The following RABEP2 variants were observed in gnomAD, a reference collection of about 807,000 sequenced individuals.
RABEP2 encodes rab GTPase-binding effector protein 2.
In RABEP2, 57 loss-of-function variants were observed where a neutral mutation model predicts 74.1. The ratio of observed to expected loss-of-function variants is 0.77; its 90% CI spans 0.62 to 0.96. The LOEUF (loss-of-function observed/expected upper bound fraction) is 0.96. RABEP2 is among the 40% of genes least tolerant of loss of function. The pLI is 0.00. For missense variants in RABEP2, 692 were observed against 756.3 expected, an observed-to-expected ratio of 0.91 and a Z score of 1.00; for synonymous variants, 351 against 344.0, an observed-to-expected ratio of 1.02 and a Z score of -0.23.
intron 3 of RABEP2, among the ~76,000 whole-genome samples, chr16:28,916,692 A>T (rs1964398969): frequency 6.7e-6 from 1 of 150,112 alleles, no homozygotes; most frequent in South Asian, 2.1e-4. Flanking sequence ...AAAAAAAAAA[A>T]AAAAAATTTC....
chr16:28,904,932 A>C lies in RABEP2; in HGVS notation c.*11T>G, dbSNP rs1355870295. On this transcript the variant is annotated 3_prime_UTR_variant, in exon 13 of 13. Transcript: ENST00000358201. Reference sequence around the variant, plus strand: ...TCTTTCCCAGGGTGGGGGTGGGGATATCCTGACCCCTCAGGTGTCCTTGAT... The same window carrying C: ...TCTTTCCCAGGGTGGGGGTGGGGATCTCCTGACCCCTCAGGTGTCCTTGAT... 1.2e-6 allele frequency: 2 copies of C among 1,601,302 alleles called. No individual in the cohort carries two copies. Among genetic ancestry groups the C allele is most frequent in the Middle Eastern group, 3.3e-4 (2 of 6,032 alleles).
In RABEP2 at chr16:28,925,220, C is replaced by G; in HGVS notation, c.-57G>C. 2.7e-6 allele frequency: 4 copies of G among 1,496,876 alleles called. No homozygotes were observed. Among genetic ancestry groups the G allele is most frequent in the Non-Finnish European group, 3.5e-6 (4 of 1,128,880 alleles). The allele number at this position is 1,496,876 out of a possible 1,614,324, so 92.7% of individuals were successfully genotyped here. ...CCCTGGTGACGGAGCGCACCGCTTC[C>G]GGGTCCTCTCGGCTGTTTCCGGATC... On this transcript the variant is annotated 5_prime_UTR_variant, in exon 1 of 13. Transcript: ENST00000358201.
chr16:28,925,205 G>C lies in RABEP2; in HGVS notation c.-42C>G. 2.0e-6 allele frequency: 3 copies of C among 1,511,082 alleles called. No homozygotes were observed. The highest frequency in any genetic ancestry group is 2.6e-6 in the Non-Finnish European group (3 of 1,135,724). 93.6% of individuals were successfully genotyped at this position (1,511,082 alleles called of 1,614,324 possible). A position where few individuals can be genotyped will look rare whatever the true frequency, so the allele number is the denominator to read the frequency against. On this transcript the variant is annotated 5_prime_UTR_variant, in exon 1 of 13. Transcript: ENST00000358201. The stretch of plus-strand genomic sequence containing the variant: ...GCGGATTCCCGCACTCCCTGGTGAC[G>C]GAGCGCACCGCTTCCGGGTCCTCTC...
At chr16:28,905,100 C>A in intron 12 of RABEP2, 56 bp from the exon 13 acceptor site, 1 of 1,450,184 alleles carries the variant, frequency 6.9e-7, no homozygotes, top group Non-Finnish European at 9.4e-7. Context: ...CAGCCCCTAC[C>A]CCACCTGCCA....
At chr16:28,921,192 G>T (rs755103481) in intron 2 of RABEP2, 1 of 455,882 alleles carries the variant, frequency 2.2e-6, no homozygotes, top group Non-Finnish European at 4.4e-6. Context: ...TATTTACGCT[G>T]GATCAGACTC....
chr16:28,916,837 A>T (rs1424888438), intron 3 of RABEP2, among the ~76,000 whole-genome samples: 2 of 151,726 alleles, frequency 1.3e-5, no homozygotes, highest in African/African-American at 4.8e-5. Context: ...TACAAAAATT[A>T]GCTGGATGTG....
chr16:28,922,103 C>T (rs1388270185), intron 2 of RABEP2, among the ~76,000 whole-genome samples: 2 of 152,176 alleles, frequency 1.3e-5, no homozygotes, highest in Non-Finnish European at 2.9e-5. Flanking sequence ...TCCCAAGTAG[C>T]AGGGACCACA....
intron 8 of RABEP2, among the ~76,000 whole-genome samples, chr16:28,906,593 C>T (rs775838616): frequency 5.9e-5 from 9 of 152,054 alleles, no homozygotes; most frequent in Admixed American, 1.3e-4. Flanking sequence ...GGTGAAACTC[C>T]GTTTCTACTA....
chr16:28,924,678 C>T (rs901246443), intron 1 of RABEP2, 63 bp from the exon 2 acceptor site: 14 of 1,455,904 alleles, frequency 9.6e-6, no homozygotes, highest in Non-Finnish European at 1.3e-5. Context: ...ACCGGCTTAG[C>T]AAGTCCTGCA....
chr16:28,910,857 C>G, intron 7 of RABEP2, 31 bp downstream of exon 7: 2 of 1,577,002 alleles, frequency 1.3e-6, no homozygotes, highest in South Asian at 2.3e-5. Flanking sequence ...GGACTCCTCG[C>G]CCTCCTGCCC....
At chr16:28,922,949 T>C (rs1457823327) in intron 2 of RABEP2, among the ~76,000 whole-genome samples, 2 of 152,062 alleles carry the variant, frequency 1.3e-5, no homozygotes, top group Non-Finnish European at 2.9e-5. Flanking sequence ...CCTTTGGCTG[T>C]TTTCCAGCTA....
At chr16:28,908,889 T>A in intron 7 of RABEP2, 125 bp from the exon 8 acceptor site, 1 of 1,053,724 alleles carries the variant, frequency 9.5e-7, no homozygotes, top group Non-Finnish European at 1.4e-6. Context: ...TCTCTGTTCC[T>A]AAGCAAGGAA....
chr16:28,920,326 A>G (rs1353456124), intron 2 of RABEP2, among the ~76,000 whole-genome samples: 1 of 151,368 alleles, frequency 6.6e-6, no homozygotes, highest in Non-Finnish European at 1.5e-5. Flanking sequence ...ATATACCAGG[A>G]ACAGTCAATA....
At position 28,908,736 on chromosome 16, in the gene RABEP2, A is replaced by G. The variant is rs1352719489; in HGVS notation, c.1118T>C (p.Leu373Pro). The G allele has an allele frequency of 3.8e-5, 61 of 1,614,044 alleles. No homozygotes were observed. Among genetic ancestry groups the G allele is most frequent in the Non-Finnish European group, 4.3e-5 (51 of 1,180,032 alleles). ...MAELVTTHKC[L>P]HHEVKRLNEE... ...ATTCAACCGCTTTACCTCATGGTGC[A>G]GGCACTTGTGGGTGGTGACCAGCTC... Residue 373 changes from leucine (L) to proline (P), a missense_variant, in exon 8 of 13, where the codon CTG becomes CCG. Transcript: ENST00000358201.
At chr16:28,918,061 GTTTTTTTTTTTTTTTT>G (rs398029150) in intron 3 of RABEP2, 5 of 93,212 alleles carry the variant, frequency 5.4e-5, no homozygotes, top group East Asian at 6.8e-4. Flanking sequence ...TCCTATAATT[GTTTTTTTTTTTTTTTT>G]TTTTTTTTTT....
rs1471599001 is a variant in RABEP2 at position 28,904,767 on chromosome 16, C to T, written c.*176G>A. ...GGTGTGATCCCTGAGAACAGGAGGC[C>T]CAGCCACCCTGGGAGGAGGCGCTGG... On this transcript the variant is annotated 3_prime_UTR_variant, in exon 13 of 13. Coordinates refer to ENST00000358201, the MANE Select transcript of RABEP2 (RefSeq NM_024816.3). 1 of 659,922 alleles carries T rather than the reference C, an allele frequency of 1.5e-6. No individual in the cohort carries two copies. Among genetic ancestry groups the T allele is most frequent in the African/African-American group, 1.8e-5 (1 of 54,952 alleles). The allele number at this position is 659,922 out of a possible 1,614,324, so 40.9% of individuals were successfully genotyped here.
chr16:28,914,975 G>A (rs887310232), intron 3 of RABEP2, among the ~76,000 whole-genome samples, 193 bp from the exon 4 acceptor site: 5 of 151,252 alleles, frequency 3.3e-5, no homozygotes, highest in Admixed American at 2.0e-4. Context: ...ATAAGGGCAA[G>A]GATGAAGGTC....
In RABEP2 at chr16:28,924,490, C is replaced by A. The variant is rs753718006; in HGVS notation, c.187G>T (p.Val63Leu). The A allele has an allele frequency of 3.7e-6, 6 of 1,614,112 alleles. No individual in the cohort carries two copies. The highest frequency in any genetic ancestry group is 5.1e-6 in the Non-Finnish European group (6 of 1,180,032). Residue 63 changes from valine to leucine, a missense_variant, in exon 2 of 13, where the codon GTG becomes TTG. Transcript: ENST00000358201. ...EMETMKAVAE[V>L]SESTKAEAVA... is the part of the protein sequence containing the mutation. ...GCCTCGGCCTTCGTGCTCTCGCTCA[C>A]CTCTGCCACAGCCTTCATGGTTTCC...
Position 28,908,708 on chromosome 16 carries a change from C to T in RABEP2, c.1146G>A (p.Glu382=). The change falls in exon 8 of 13, where the codon GAG becomes GAA. Residue 382 remains glutamate (E), a synonymous_variant. Transcript: ENST00000358201. The part of the protein sequence containing the change: ...CLHHEVKRLN[E]ENQGLRAEQL... ...GCTCGGCCCGGAGCCCTTGGTTTTCCTCATTCAACCGCTTTACCTCATGGT... is the reference window on the plus strand; with the variant it reads ...GCTCGGCCCGGAGCCCTTGGTTTTCTTCATTCAACCGCTTTACCTCATGGT... 6.2e-7 allele frequency: 1 copy of T among 1,614,240 alleles called. No individual in the cohort carries two copies. Among genetic ancestry groups the T allele is most frequent in the Non-Finnish European group, 8.5e-7 (1 of 1,180,042 alleles).
Sources: gnomAD v4.1 joint callset for allele counts (sites outside exome capture counted in the v4.1 genomes callset) on GRCh38, gnomAD v4.1.1 for gene constraint, MANE v1.5 for transcripts, NCBI Gene and HGNC (gene_info 2026-07-23, HGNC 2026-07-21) for gene names.